KCNIP4: variants seen among roughly 807,000 people sequenced by gnomAD.
KCNIP4 encodes potassium voltage-gated channel interacting protein 4.
KCNIP4 carries 12 observed loss-of-function variants against 34.0 expected under a neutral mutation model. The ratio of observed to expected loss-of-function variants is 0.35; its 90% CI spans 0.23 to 0.57. KCNIP4 has a LOEUF of 0.57. KCNIP4 is among the 20% of genes least tolerant of loss of function. KCNIP4 has a pLI of 0.83. For synonymous variants in KCNIP4, 124 were observed against 102.2 expected (o/e 1.21, Z -1.29); for missense variants, 238 against 311.7 (o/e 0.76, Z 1.78).
chr4:21,313,201 G>A (rs1247010279), intron 1 of KCNIP4, among the ~76,000 whole-genome samples: 1 of 152,038 alleles, frequency 6.6e-6, no homozygotes, highest in African/African-American at 2.4e-5. Flanking sequence ...AAACCCAAGG[G>A]TAATTTCAAC....
At chr4:20,833,000 ACTC>A (rs1718610506) in intron 3 of KCNIP4, among the ~76,000 whole-genome samples, 1 of 151,908 alleles carries the variant, frequency 6.6e-6, no homozygotes, top group South Asian at 2.1e-4. Context: ...GGAACATAAA[ACTC>A]TACACAGAGA....
chr4:21,845,580 C>A (rs1203897843), intron 1 of KCNIP4: 2 of 151,916 alleles, frequency 1.3e-5, no homozygotes, highest in Non-Finnish European at 2.9e-5. Flanking sequence ...ACTTTTCTTG[C>A]TTTTTTTCTT....
chr4:20,989,128 T>G (rs1220837110), intron 1 of KCNIP4, among the ~76,000 whole-genome samples: 1 of 152,230 alleles, frequency 6.6e-6, no homozygotes, highest in Non-Finnish European at 1.5e-5. Context: ...TACTCTTCAT[T>G]GAGTTCTCAC....
At chr4:20,740,840 G>GACAA in intron 5 of KCNIP4, among the ~76,000 whole-genome samples, 1 of 152,134 alleles carries the variant, frequency 6.6e-6, no homozygotes, top group East Asian at 1.9e-4. Context: ...CGCCTGCAGA[G>GACAA]ACAAACATAG....
intron 1 of KCNIP4, among the ~76,000 whole-genome samples, chr4:21,920,138 C>T (rs1489218155): frequency 6.6e-6 from 1 of 152,062 alleles, no homozygotes; most frequent in Non-Finnish European, 1.5e-5. Context: ...TAAACTGATG[C>T]TGAATTTGTG....
chr4:21,779,636 G>T (rs904910075), intron 1 of KCNIP4, among the ~76,000 whole-genome samples: 6 of 152,128 alleles, frequency 3.9e-5, no homozygotes, highest in African/African-American at 1.4e-4. Flanking sequence ...CAGCACGATA[G>T]TTCACGTCTG....
intron 1 of KCNIP4, among the ~76,000 whole-genome samples, chr4:21,468,644 G>A (rs1577410699): frequency 6.6e-6 from 1 of 152,060 alleles, no homozygotes; most frequent in South Asian, 2.1e-4. Flanking sequence ...CCCAGAGAAA[G>A]AGAAAAAAAT....
intron 1 of KCNIP4, among the ~76,000 whole-genome samples, chr4:21,677,549 A>G (rs1339857838): frequency 6.6e-6 from 1 of 152,118 alleles, no homozygotes; most frequent in Non-Finnish European, 1.5e-5. Flanking sequence ...TTCCTAAAGC[A>G]TTGCTGCAAT....
At chr4:21,719,844 T>A (rs58797944) in intron 1 of KCNIP4, among the ~76,000 whole-genome samples, 13,015 of 151,744 alleles carry the variant, frequency 0.086, 1,876 homozygotes, top group African/African-American at 0.3. Context: ...GCACCTGTAA[T>A]CCCAGCTACT....
chr4:20,956,085 T>G (rs1733273789), intron 1 of KCNIP4, among the ~76,000 whole-genome samples: 2 of 152,216 alleles, frequency 1.3e-5, no homozygotes, highest in Admixed American at 1.3e-4. Context: ...GATTAGACCT[T>G]TTTTGACAGG....
chr4:21,779,798 A>T (rs1719456277), intron 1 of KCNIP4, among the ~76,000 whole-genome samples: 1 of 152,014 alleles, frequency 6.6e-6, no homozygotes, highest in African/African-American at 2.4e-5. Context: ...ATGGTGGCAC[A>T]CTTCCTCCTG....
intron 1 of KCNIP4, among the ~76,000 whole-genome samples, chr4:21,044,097 T>A (rs1418910885): frequency 6.6e-6 from 1 of 152,136 alleles, no homozygotes; most frequent in East Asian, 1.9e-4. Flanking sequence ...CACTCACTGC[T>A]GGACAATCTG....
At chr4:21,284,614 T>G (rs140723213) in intron 1 of KCNIP4, among the ~76,000 whole-genome samples, 2,176 of 152,316 alleles carry the variant, frequency 0.014, 25 homozygotes, top group South Asian at 0.035. Flanking sequence ...AGGGAAGTTT[T>G]GCTCTAGTCT....
intron 1 of KCNIP4, among the ~76,000 whole-genome samples, chr4:21,069,327 C>A (rs892723958): frequency 6.6e-6 from 1 of 151,988 alleles, no homozygotes; most frequent in African/African-American, 2.4e-5. Flanking sequence ...TATATTGGTC[C>A]GCTTTATTTG....
intron 1 of KCNIP4, among the ~76,000 whole-genome samples, chr4:21,325,184 ATTC>A (rs1714910117): frequency 6.6e-6 from 1 of 151,824 alleles, no homozygotes; most frequent in Non-Finnish European, 1.5e-5. Flanking sequence ...ACTGGTGTTA[ATTC>A]TTCTTTAAAT....
chr4:21,054,522 A>AG (rs1491533466), intron 1 of KCNIP4, among the ~76,000 whole-genome samples: 1 of 119,032 alleles, frequency 8.4e-6, no homozygotes, highest in Non-Finnish European at 1.7e-5. Context: ...TCTGTCAAAG[A>AG]AAAAAAAAAA....
At chr4:21,086,176 A>C (rs1021098698) in intron 1 of KCNIP4, among the ~76,000 whole-genome samples, 1 of 152,142 alleles carries the variant, frequency 6.6e-6, no homozygotes, top group African/African-American at 2.4e-5. Flanking sequence ...TGGAGTGCCT[A>C]ACGATTCTAT....
chr4:21,696,135 G>A (rs960223497), intron 1 of KCNIP4, among the ~76,000 whole-genome samples: 33 of 152,140 alleles, frequency 2.2e-4, no homozygotes, highest in African/African-American at 7.0e-4. Context: ...ACATTAGGAT[G>A]TTAACAATCC....
At chr4:21,188,627 G>T (rs899097292) in intron 1 of KCNIP4, among the ~76,000 whole-genome samples, 5 of 152,144 alleles carry the variant, frequency 3.3e-5, no homozygotes, top group African/African-American at 1.2e-4. Flanking sequence ...TTTTTGAAAT[G>T]AAGTTTTAAA....
Sources: allele counts gnomAD v4.1 joint callset (sites outside exome capture counted in the v4.1 genomes callset), GRCh38; gene constraint gnomAD v4.1.1; transcripts MANE v1.5; gene names NCBI Gene and HGNC (gene_info 2026-07-23, HGNC 2026-07-21).